NXN: variants seen among roughly 807,000 people sequenced by gnomAD.
NXN encodes the protein nucleoredoxin 1.
Under a neutral mutation model 48.6 loss-of-function variants are expected in NXN, and 16 were observed. The ratio of observed to expected loss-of-function variants is 0.33; its 90% confidence interval spans 0.22 to 0.50. NXN has a LOEUF of 0.50. NXN is among the 20% of genes least tolerant of loss of function. The pLI is 0.98. For missense variants in NXN, 492 were observed against 605.5 expected (o/e 0.81, Z 1.97); for synonymous variants, 281 against 269.6 (o/e 1.04, Z -0.41).
intron 1 of NXN, among the ~76,000 whole-genome samples, chr17:842,982 G>C (rs538880201): frequency 9.3e-6 from 1 of 107,180 alleles, no homozygotes; most frequent in African/African-American, 3.6e-5. Context: ...GAGAGAAAGA[G>C]AGAAAGAGAG....
intron 1 of NXN, among the ~76,000 whole-genome samples, chr17:857,449 C>T (rs973343766): frequency 6.6e-6 from 1 of 151,980 alleles, no homozygotes; most frequent in Non-Finnish European, 1.5e-5. Flanking sequence ...TTAGTAGAGA[C>T]GGGGTTTTGC....
At chr17:965,887 T>C (rs1004672388) in intron 1 of NXN, among the ~76,000 whole-genome samples, 1 of 151,590 alleles carries the variant, frequency 6.6e-6, no homozygotes, top group Non-Finnish European at 1.5e-5. Context: ...GAGGCCGAGG[T>C]GGGGAAAACA....
chr17:880,115 T>A (rs572083458), intron 1 of NXN: 17 of 152,278 alleles, frequency 1.1e-4, no homozygotes, highest in African/African-American at 1.9e-4. Context: ...GCAAATTTTT[T>A]AAAATGATTG....
At chr17:924,306 G>A (rs575282981) in intron 1 of NXN, among the ~76,000 whole-genome samples, 51 of 152,018 alleles carry the variant, frequency 3.4e-4, no homozygotes, top group Admixed American at 1.4e-3. Context: ...GCGCGATCTC[G>A]GCTCACTGCA....
intron 5 of NXN, among the ~76,000 whole-genome samples, chr17:815,773 G>T (rs1813425473): frequency 6.6e-6 from 1 of 152,220 alleles, no homozygotes; most frequent in African/African-American, 2.4e-5. Context: ...TTCTTGGCCT[G>T]AACGTTTAAC....
chr17:928,301 T>C (rs2068821648), intron 1 of NXN, among the ~76,000 whole-genome samples: 1 of 152,140 alleles, frequency 6.6e-6, no homozygotes, highest in African/African-American at 2.4e-5. Context: ...TTGGGTAACG[T>C]GCTCTGCCAA....
At chr17:892,767 G>C (rs1033501738) in intron 1 of NXN, among the ~76,000 whole-genome samples, 4 of 152,242 alleles carry the variant, frequency 2.6e-5, no homozygotes, top group Non-Finnish European at 4.4e-5. Flanking sequence ...TTTGAGACCA[G>C]TGAAACAATT....
chr17:816,926 G>A (rs1236538521), intron 5 of NXN, among the ~76,000 whole-genome samples: 1 of 152,176 alleles, frequency 6.6e-6, no homozygotes, highest in African/African-American at 2.4e-5. Context: ...CACCTTAAGT[G>A]TCTCTGCAGA....
At chr17:812,989 A>C (rs764366171) in intron 5 of NXN, among the ~76,000 whole-genome samples, 1 of 151,590 alleles carries the variant, frequency 6.6e-6, no homozygotes, top group Non-Finnish European at 1.5e-5. Context: ...TGCACATGTG[A>C]ATGTAGGTGT....
intron 1 of NXN, among the ~76,000 whole-genome samples, chr17:841,629 A>ACACCCACGG (rs1567828124): frequency 9.5e-6 from 1 of 104,816 alleles, no homozygotes. Flanking sequence ...CACACGGGCA[A>ACACCCACGG]GCAGGTCCAC....
Position 821,011 on chromosome 17 carries a change from G to A in NXN, c.713+1346C>T, listed in dbSNP as rs1212262488. On this transcript the variant is annotated intron_variant, in intron 4 of 7. Transcript: ENST00000336868. ...ACGGGAGCTGTGGCATGGCAGAGAC[G>A]GGAGCTGTGGCATGGCAGAGACGGG... Among the ~76,000 whole-genome samples, 3 of 73,496 alleles carry A rather than the reference G, an allele frequency of 4.1e-5. 1 individual carries two copies. The highest frequency in any genetic ancestry group is 4.4e-4 in the South Asian group (1 of 2,290). The allele number at this position is 73,496 out of a possible 152,430, so 48.2% of individuals were successfully genotyped here. A position where few individuals can be genotyped will look rare whatever the true frequency, so the allele number is the denominator to read the frequency against.
In NXN at chr17:920,743, A is replaced by G. The variant is rs8067899; in HGVS notation, c.360+58576T>C. Reference sequence around the variant, plus strand: ...AGCCTTTTTTTTTTTTTTCCTTTGAAACAGAGTCTCGCCCTGTTGCCCAGG... The same window carrying G: ...AGCCTTTTTTTTTTTTTTCCTTTGAGACAGAGTCTCGCCCTGTTGCCCAGG... On this transcript the variant is annotated intron_variant, in intron 1 of 7. Coordinates refer to ENST00000336868, the MANE Select transcript of NXN (RefSeq NM_022463.5). The surrounding 1 kb of genome is among the most constrained non-coding windows in gnomAD (Gnocchi z 4.6). Among the ~76,000 whole-genome samples, 19,613 of 150,294 alleles carry G rather than the reference A, an allele frequency of 0.13. 1,889 individuals carry two copies. Among genetic ancestry groups the G allele is most frequent in the African/African-American group, 0.27 (10,817 of 40,800 alleles).
intron 1 of NXN, among the ~76,000 whole-genome samples, chr17:908,901 A>G (rs2068605921): frequency 6.6e-6 from 1 of 152,136 alleles, no homozygotes. Context: ...CAGGAGTTTG[A>G]GACCAGCCTG....
chr17:839,809 A>AAAAC (rs1295125774), intron 1 of NXN, among the ~76,000 whole-genome samples: 1 of 143,568 alleles, frequency 7.0e-6, no homozygotes, highest in African/African-American at 2.7e-5. Context: ...AAAAAAAAAA[A>AAAAC]AAAAAGGCCA....
At chr17:934,269 C>A (rs1396960975) in intron 1 of NXN, among the ~76,000 whole-genome samples, 1 of 151,852 alleles carries the variant, frequency 6.6e-6, no homozygotes, top group East Asian at 2.0e-4. Flanking sequence ...CACGGTGAAA[C>A]CCTGTCTCTA....
intron 1 of NXN, among the ~76,000 whole-genome samples, chr17:940,699 C>T (rs2068962819): frequency 6.6e-6 from 1 of 151,602 alleles, no homozygotes; most frequent in South Asian, 2.1e-4. Context: ...CAGGGTGCAG[C>T]CATGAATTCA....
Position 953,367 on chromosome 17 carries a change from A to G in NXN, c.360+25952T>C, listed in dbSNP as rs371202172. On this transcript the variant is annotated intron_variant, in intron 1 of 7. Transcript: ENST00000336868. Reference sequence around the variant, plus strand: ...GAGGCGGAGGTTGCAGTGAGCTGAGATCGCGCCACTGCACTCCAGCCTGGG... The same window carrying G: ...GAGGCGGAGGTTGCAGTGAGCTGAGGTCGCGCCACTGCACTCCAGCCTGGG... Among the ~76,000 whole-genome samples, 1,147 of 152,204 alleles carry G rather than the reference A, an allele frequency of 7.5e-3. 15 individuals are homozygous for G. Among genetic ancestry groups the G allele is most frequent in the African/African-American group, 0.027 (1,101 of 41,536 alleles).
At chr17:871,096 C>T (rs1236705545) in intron 1 of NXN, among the ~76,000 whole-genome samples, 4 of 152,042 alleles carry the variant, frequency 2.6e-5, no homozygotes, top group South Asian at 4.2e-4. Flanking sequence ...CTCCTGACCT[C>T]GTGATCCGCC....
chr17:892,116 A>T (rs1230761586), intron 1 of NXN, among the ~76,000 whole-genome samples: 20 of 149,092 alleles, frequency 1.3e-4, no homozygotes, highest in African/African-American at 4.4e-4. Flanking sequence ...TGCACAACCC[A>T]ACAGGGAACC....
Sources: gnomAD v4.1 joint callset for allele counts (sites outside exome capture counted in the v4.1 genomes callset) on GRCh38, gnomAD v4.1.1 for gene constraint, Gnocchi (gnomAD v3.1) non-coding constraint, MANE v1.5 for transcripts, NCBI Gene and HGNC (gene_info 2026-07-23, HGNC 2026-07-21) for gene names.